Variants in AIG1 observed in about 807,000 individuals in gnomAD.
AIG1 encodes the protein androgen-induced gene 1 protein.
In AIG1, 23 loss-of-function variants were observed where a neutral mutation model predicts 31.4. The observed-to-expected ratio is 0.73, with a 90% CI of 0.53 to 1.04. The LOEUF is 1.04. AIG1 is among the 50% of genes least tolerant of loss of function. The pLI is 0.00. For synonymous variants in AIG1, 100 were observed against 110.5 expected (o/e 0.90, Z 0.60); for missense variants, 274 against 295.0 (o/e 0.93, Z 0.52).
chr6:143,171,527 T>A (rs1392445097), intron 3 of AIG1, among the ~76,000 whole-genome samples: 34 of 130,566 alleles, frequency 2.6e-4, no homozygotes, highest in African/African-American at 5.2e-4. Context: ...TATATATATT[T>A]AATATATATA....
rs147979786 is a variant in AIG1, at chr6:143,266,266, G to C, written c.400-17844G>C. Among the ~76,000 whole-genome samples the C allele has an allele frequency of 8.4e-3, 1,231 of 145,824 alleles. 15 individuals are homozygous for C. Among genetic ancestry groups the C allele is most frequent in the African/African-American group, 0.029 (1,121 of 38,738 alleles). On this transcript the variant is annotated intron_variant, in intron 3 of 5. Transcript: ENST00000357847. Reference sequence around the variant, plus strand: ...GGAGGCTGAGGTAAGAGAATCGCTTGAACCCAGGAGGCAGAGGTTGCAGTG... The same window carrying C: ...GGAGGCTGAGGTAAGAGAATCGCTTCAACCCAGGAGGCAGAGGTTGCAGTG...
chr6:143,197,143 C>G (rs529589440), intron 3 of AIG1, among the ~76,000 whole-genome samples: 2 of 150,084 alleles, frequency 1.3e-5, no homozygotes, highest in African/African-American at 4.9e-5. Flanking sequence ...TTGAGAATCC[C>G]TTGAAAGTTC....
intron 1 of AIG1, among the ~76,000 whole-genome samples, chr6:143,120,161 C>T (rs1328210834): frequency 2.6e-5 from 4 of 152,142 alleles, no homozygotes; most frequent in African/African-American, 9.6e-5. Flanking sequence ...CTCGAACTCC[C>T]GATCTCAGGT....
In AIG1 at chr6:143,248,478, G is replaced by A. The variant is rs532374738; in HGVS notation, c.400-35632G>A. Reference sequence around the variant, plus strand: ...ATGTCTCAGTTGCTCATCAGGGCTCGCTGGTTTTGCCAGTAGTGGGAGGAG... The same window carrying A: ...ATGTCTCAGTTGCTCATCAGGGCTCACTGGTTTTGCCAGTAGTGGGAGGAG... On this transcript the variant is annotated intron_variant, in intron 3 of 5. Transcript: ENST00000357847. Among the ~76,000 whole-genome samples, 13 of 151,840 alleles carry A rather than the reference G, an allele frequency of 8.6e-5. No individual in the cohort carries two copies. The East Asian group carries it at 9.7e-4, about 11-fold the overall frequency.
At chr6:143,192,232 G>A (rs937920704) in intron 3 of AIG1, among the ~76,000 whole-genome samples, 23 of 152,162 alleles carry the variant, frequency 1.5e-4, no homozygotes, top group African/African-American at 5.6e-4. Context: ...GGCCTCTGCC[G>A]CCATGCATGT....
intron 2 of AIG1, among the ~76,000 whole-genome samples, chr6:143,159,980 G>C (rs559823880): frequency 1.3e-5 from 2 of 152,332 alleles, no homozygotes; most frequent in East Asian, 3.9e-4. Flanking sequence ...CAAGGTAATA[G>C]AGCCCCAAAC....
In AIG1 at chr6:143,328,613, G is replaced by A. The variant is rs1265939605; in HGVS notation, c.516-4669G>A. ...TCTGCCTCATTTACTTTTTTTCATC[G>A]ATGCATTATAGATGTACACAGTTTC... On this transcript the variant is annotated intron_variant, in intron 4 of 5. Transcript: ENST00000357847. This position sits in a 1 kb window ranked among gnomAD's most constrained non-coding sequence, Gnocchi z 4.0. 3.9e-5 allele frequency among the ~76,000 whole-genome samples: 6 copies of A among 151,904 alleles called. No individual in the cohort carries two copies. The highest frequency in any genetic ancestry group is 7.4e-5 in the Non-Finnish European group (5 of 68,016).
intron 3 of AIG1, among the ~76,000 whole-genome samples, chr6:143,194,021 G>A (rs1474119769): frequency 6.6e-6 from 1 of 152,214 alleles, no homozygotes; most frequent in East Asian, 1.9e-4. Flanking sequence ...TCAGTAAAAT[G>A]TAGGAGAGGC....
At chr6:143,254,842 C>T (rs952536067) in intron 3 of AIG1, among the ~76,000 whole-genome samples, 2 of 152,004 alleles carry the variant, frequency 1.3e-5, no homozygotes, top group African/African-American at 4.8e-5. Context: ...GGCAAAACCC[C>T]GTCTCTACAA....
chr6:143,180,420 C>G (rs750323502), intron 3 of AIG1, among the ~76,000 whole-genome samples: 1 of 152,160 alleles, frequency 6.6e-6, no homozygotes, highest in Non-Finnish European at 1.5e-5. Context: ...GAAGCACTGT[C>G]GTTATTCTGG....
Position 143,075,260 on chromosome 6 carries a change from C to T in AIG1, c.141+14194C>T, listed in dbSNP as rs371443737. On this transcript the variant is annotated intron_variant, in intron 1 of 5. Coordinates refer to ENST00000357847, the MANE Select transcript of AIG1 (RefSeq NM_016108.4). Reference sequence around the variant, plus strand: ...TCAAAGATCAGCTTTTGATTTTTTTCGTCTATTTTTATTGTTCTCAATTTC... The same window carrying T: ...TCAAAGATCAGCTTTTGATTTTTTTTGTCTATTTTTATTGTTCTCAATTTC... 9.2e-5 allele frequency among the ~76,000 whole-genome samples: 14 copies of T among 151,842 alleles called. No individual in the cohort carries two copies. The South Asian group carries it at 2.7e-3, about 29-fold the overall frequency.
intron 3 of AIG1, among the ~76,000 whole-genome samples, chr6:143,215,897 T>A (rs1791991020): frequency 6.6e-6 from 1 of 152,162 alleles, no homozygotes; most frequent in Admixed American, 6.5e-5. Flanking sequence ...CAGACACAAC[T>A]CCTCAGCTCT....
chr6:143,114,201 A>C (rs1781548080), intron 1 of AIG1, among the ~76,000 whole-genome samples: 1 of 152,240 alleles, frequency 6.6e-6, no homozygotes, highest in Non-Finnish European at 1.5e-5. Context: ...TATATCTTCA[A>C]GCTGAGCTTT....
chr6:143,185,125 G>A (rs1017924153), intron 3 of AIG1, among the ~76,000 whole-genome samples: 1 of 151,940 alleles, frequency 6.6e-6, no homozygotes, highest in African/African-American at 2.4e-5. Flanking sequence ...GAATCTGGGA[G>A]GTGGAGGTTG....
intron 3 of AIG1, among the ~76,000 whole-genome samples, chr6:143,270,441 C>T (rs1048007628): frequency 3.9e-5 from 6 of 152,244 alleles, no homozygotes; most frequent in East Asian, 1.9e-4. Context: ...TTCCCACCCA[C>T]GCTTCTATAA....
At chr6:143,133,550 G>T (rs1323425747) in intron 1 of AIG1, among the ~76,000 whole-genome samples, 1 of 148,086 alleles carries the variant, frequency 6.8e-6, no homozygotes, top group African/African-American at 2.5e-5. Flanking sequence ...ATTACTTTAT[G>T]TGGGAAAAAG....
chr6:143,335,203 A>C, intron 5 of AIG1: 1 of 1,216,290 alleles, frequency 8.2e-7, no homozygotes, highest in Non-Finnish European at 1.1e-6. Context: ...TTAGGCCTAC[A>C]TCGTGGAATT....
At chr6:143,250,933 G>T (rs1418896148) in intron 3 of AIG1, among the ~76,000 whole-genome samples, 2 of 152,198 alleles carry the variant, frequency 1.3e-5, no homozygotes, top group African/African-American at 4.8e-5. Context: ...AGACACCTCT[G>T]CTCTAGATGC....
At chr6:143,183,350 C>T (rs1371852689) in intron 3 of AIG1, among the ~76,000 whole-genome samples, 3 of 152,182 alleles carry the variant, frequency 2.0e-5, no homozygotes, top group African/African-American at 7.2e-5. Context: ...CATGCACCAC[C>T]ACACACAGCT....
Sources: gnomAD v4.1 joint callset for allele counts (sites outside exome capture counted in the v4.1 genomes callset) on GRCh38, gnomAD v4.1.1 for gene constraint, Gnocchi (gnomAD v3.1) non-coding constraint, MANE v1.5 for transcripts, NCBI Gene and HGNC (gene_info 2026-07-23, HGNC 2026-07-21) for gene names.